The following GOLGA5 variants were observed in gnomAD, a reference collection of about 807,000 sequenced individuals.
The protein encoded by GOLGA5 is golgin subfamily A member 5.
Under a neutral mutation model 93.5 loss-of-function variants are expected in GOLGA5, and 50 were observed. The ratio of observed to expected loss-of-function variants is 0.53; its 90% confidence interval spans 0.43 to 0.68. The LOEUF (loss-of-function observed/expected upper bound fraction) is 0.68. Ranked by LOEUF, GOLGA5 falls within the 30% of genes least tolerant of loss-of-function variation. The pLI, the probability that GOLGA5 is intolerant of heterozygous loss-of-function variation, is 0.00. For synonymous variants in GOLGA5, 312 were observed against 304.5 expected (o/e 1.02, Z -0.26); for missense variants, 760 against 856.4 (o/e 0.89, Z 1.40).
intron 8 of GOLGA5, among the ~76,000 whole-genome samples, chr14:92,820,436 T>C (rs918033255): frequency 1.3e-5 from 2 of 152,166 alleles, no homozygotes; most frequent in Non-Finnish European, 2.9e-5. Flanking sequence ...ATAGAACAAA[T>C]GTACAATCGG....
Position 92,811,767 on chromosome 14 carries a change from T to A in GOLGA5, c.1320+13T>A. 1 of 1,567,028 alleles carries A rather than the reference T, an allele frequency of 6.4e-7. No individual in the cohort carries two copies. The highest frequency in any genetic ancestry group is 8.8e-7 in the Non-Finnish European group (1 of 1,137,234). Reference sequence around the variant, plus strand: ...TAGAATACTGCAAGTAAGCATGAAATGTACACTTTTGGATGTTAAGATGTG... The same window carrying A: ...TAGAATACTGCAAGTAAGCATGAAAAGTACACTTTTGGATGTTAAGATGTG... On this transcript the variant is annotated intron_variant, in intron 6 of 12. Transcript: ENST00000163416.
intron 9 of GOLGA5, among the ~76,000 whole-genome samples, chr14:92,830,563 G>A (rs986478911): frequency 2.0e-5 from 3 of 152,090 alleles, no homozygotes; most frequent in Non-Finnish European, 4.4e-5. Flanking sequence ...CTACTGCACT[G>A]TTAATAGACT....
In GOLGA5 at chr14:92,813,794, A is replaced by G. The variant is rs540666820; in HGVS notation, c.1320+2040A>G. Among the ~76,000 whole-genome samples the G allele has an allele frequency of 1.1e-3, 169 of 152,312 alleles. 1 individual carries two copies. The highest frequency in any genetic ancestry group is 3.1e-3 in the African/African-American group (129 of 41,560). ...ATGGAAGTGATAAGGGGTGGCATCA[A>G]TGGCATGTAGATGGTGAAGAGGTGA... is the stretch of plus-strand genomic sequence containing the variant. On this transcript the variant is annotated intron_variant, in intron 6 of 12. Transcript: ENST00000163416.
At chr14:92,810,629 ACAAT>A (rs1885085221) in intron 5 of GOLGA5, 1 of 238,974 alleles carries the variant, frequency 4.2e-6, no homozygotes, top group East Asian at 7.6e-5. Context: ...AATTTTTGCA[ACAAT>A]CATTGTCATT....
Position 92,839,418 on chromosome 14 carries a change from T to C in GOLGA5, c.2168T>C (p.Met723Thr). Residue 723 changes from methionine (M) to threonine (T), a missense_variant, in exon 13 of 13, where the codon ATG (methionine) becomes ACG (threonine). Physicochemically the swap from Met to Thr is moderately conservative, Grantham distance 81 (BLOSUM62 -1). Transcript: ENST00000163416. Reference protein sequence around the residue: ...MIVLLTYTPEMHHDQPYGK With the variant: ...MIVLLTYTPETHHDQPYGK Reference sequence around the variant, plus strand: ...GTTCTGTTGACTTACACACCAGAAATGCACCACGACCAACCATATGGCAAA... The same window carrying C: ...GTTCTGTTGACTTACACACCAGAAACGCACCACGACCAACCATATGGCAAA... 1.2e-6 allele frequency: 2 copies of C among 1,611,136 alleles called. No individual in the cohort carries two copies. The highest frequency in any genetic ancestry group is 2.2e-5 in the South Asian group (2 of 91,038).
intron 8 of GOLGA5, among the ~76,000 whole-genome samples, chr14:92,820,415 C>G (rs1310614743): frequency 6.6e-6 from 1 of 152,210 alleles, no homozygotes; most frequent in Non-Finnish European, 1.5e-5. Flanking sequence ...CGGTTTTTCT[C>G]CTATCTCAGA....
intron 2 of GOLGA5, among the ~76,000 whole-genome samples, chr14:92,801,370 T>C (rs1233492898): frequency 6.6e-6 from 1 of 152,246 alleles, no homozygotes; most frequent in Non-Finnish European, 1.5e-5. Flanking sequence ...GTCGTTGATA[T>C]TATTTCCTTC....
intron 9 of GOLGA5, among the ~76,000 whole-genome samples, chr14:92,830,345 A>G (rs932348797): frequency 2.6e-5 from 4 of 152,058 alleles, no homozygotes; most frequent in African/African-American, 9.7e-5. Context: ...TGTCCGACCC[A>G]TAGTCAACCC....
intron 8 of GOLGA5, among the ~76,000 whole-genome samples, chr14:92,820,557 C>CT (rs1346973312): frequency 2.0e-5 from 3 of 152,208 alleles, no homozygotes; most frequent in Non-Finnish European, 4.4e-5. Flanking sequence ...AGTACAGACC[C>CT]TTGACAGGTG....
intron 2 of GOLGA5, among the ~76,000 whole-genome samples, chr14:92,799,800 T>G (rs1210762862): frequency 1.3e-5 from 2 of 151,032 alleles, no homozygotes. Flanking sequence ...AGAGATAGGG[T>G]TTCATCACGT....
chr14:92,816,099 T>C (rs989639620), intron 6 of GOLGA5, 152 bp from the exon 7 acceptor site: 31 of 597,572 alleles, frequency 5.2e-5, no homozygotes, highest in South Asian at 2.7e-4. Context: ...TCTGTTGTGT[T>C]TTTTATCCTT....
chr14:92,807,962 T>C (rs917559269), intron 3 of GOLGA5, among the ~76,000 whole-genome samples: 1 of 152,070 alleles, frequency 6.6e-6, no homozygotes, highest in Admixed American at 6.5e-5. Flanking sequence ...AAGCTAGGCG[T>C]GGTGGCTCAC....
intron 4 of GOLGA5, among the ~76,000 whole-genome samples, chr14:92,809,817 G>A (rs936247550): frequency 3.9e-5 from 6 of 152,126 alleles, no homozygotes; most frequent in African/African-American, 1.4e-4. Context: ...AAATTAGCCG[G>A]GGGTGGTGGC....
chr14:92,799,035 C>T (rs1014572085), intron 2 of GOLGA5, among the ~76,000 whole-genome samples: 4 of 152,244 alleles, frequency 2.6e-5, no homozygotes, highest in Admixed American at 2.6e-4. Flanking sequence ...GATGCTATCA[C>T]AGCTCGCACT....
chr14:92,834,112 A>C (rs1885585871), intron 10 of GOLGA5, among the ~76,000 whole-genome samples: 1 of 151,698 alleles, frequency 6.6e-6, no homozygotes, highest in Non-Finnish European at 1.5e-5. Context: ...TGCCTCGCTT[A>C]AATTAATAAA....
chr14:92,797,393 A>C lies in GOLGA5; in HGVS notation c.-30-15A>C. ...GCCACTATGCCACACTGATCATTTTATGTCCTTTTTACAGGTTTGCCAATA... is the reference window on the plus strand; with the variant it reads ...GCCACTATGCCACACTGATCATTTTCTGTCCTTTTTACAGGTTTGCCAATA... On this transcript the variant is annotated splice_polypyrimidine_tract_variant and intron_variant, in intron 1 of 12. Transcript: ENST00000163416. 7.0e-7 allele frequency: 1 copy of C among 1,426,152 alleles called. No individual in the cohort carries two copies. The highest frequency in any genetic ancestry group is 9.6e-7 in the Non-Finnish European group (1 of 1,038,452). 88.3% of individuals were successfully genotyped at this position (1,426,152 alleles called of 1,614,324 possible).
chr14:92,810,747 T>C, intron 5 of GOLGA5: 1 of 159,660 alleles, frequency 6.3e-6, no homozygotes, highest in Non-Finnish European at 1.4e-5. Flanking sequence ...GAGAAAATTG[T>C]ATGTAATATG....
chr14:92,825,093 C>A (rs1885390510), intron 9 of GOLGA5, among the ~76,000 whole-genome samples: 1 of 151,980 alleles, frequency 6.6e-6, no homozygotes, highest in African/African-American at 2.4e-5. Flanking sequence ...TGCCTACCAC[C>A]CAGACTTACC....
chr14:92,837,355 TC>T, intron 11 of GOLGA5, 30 bp from the exon 12 acceptor site: 1 of 1,122,604 alleles, frequency 8.9e-7, no homozygotes, highest in Non-Finnish European at 1.3e-6. Context: ...CTCTTCTCTC[TC>T]CTCTCCCCCT....
Sources: allele counts gnomAD v4.1 joint callset (sites outside exome capture counted in the v4.1 genomes callset), GRCh38; gene constraint gnomAD v4.1.1; transcripts MANE v1.5; gene names NCBI Gene and HGNC (gene_info 2026-07-23, HGNC 2026-07-21).